The following TBXAS1 variants were observed in gnomAD, a reference collection of about 807,000 sequenced individuals.
TBXAS1 encodes the protein thromboxane-A synthase.
Under a neutral mutation model 60.7 loss-of-function variants are expected in TBXAS1, and 48 were observed. That is an observed-to-expected ratio of 0.79 (90% CI 0.63 to 1.01). TBXAS1 has a LOEUF of 1.01. Among genes scored for constraint, TBXAS1 ranks in the 50% least tolerant of loss-of-function variants. The pLI is 0.00. For synonymous variants in TBXAS1, 287 were observed against 269.7 expected (o/e 1.06, Z -0.63); for missense variants, 685 against 686.3 (o/e 1.00, Z 0.02).
At chr7:139,861,929 A>G (rs1455547843) in intron 1 of TBXAS1, among the ~76,000 whole-genome samples, 1 of 152,072 alleles carries the variant, frequency 6.6e-6, no homozygotes, top group African/African-American at 2.4e-5. Flanking sequence ...ACGTTGCCCA[A>G]AGTAAATGAG....
chr7:139,985,480 G>A (rs577162915), intron 9 of TBXAS1, among the ~76,000 whole-genome samples: 3 of 152,204 alleles, frequency 2.0e-5, no homozygotes, highest in East Asian at 1.9e-4. Flanking sequence ...ACCCATTATC[G>A]GGTTGTCATC....
chr7:139,984,946 A>G (rs201074507), intron 9 of TBXAS1, among the ~76,000 whole-genome samples: 5 of 141,774 alleles, frequency 3.5e-5, no homozygotes, highest in Non-Finnish European at 7.6e-5. Context: ...GAAAGAAAAG[A>G]AAAGAAAGAA....
chr7:139,784,317 C>G (rs1270490718), intron 3 of TBXAS1, among the ~76,000 whole-genome samples: 2 of 151,722 alleles, frequency 1.3e-5, no homozygotes, highest in Non-Finnish European at 2.9e-5. Flanking sequence ...TGTTCAGCTA[C>G]AGCTTACTAT....
chr7:139,979,462 C>A (rs1416433585), intron 9 of TBXAS1, among the ~76,000 whole-genome samples: 1 of 152,048 alleles, frequency 6.6e-6, no homozygotes, highest in Non-Finnish European at 1.5e-5. Context: ...CTCGATGGCT[C>A]ACACCTGTAA....
intron 3 of TBXAS1, among the ~76,000 whole-genome samples, chr7:139,783,090 G>C (rs1161723418): frequency 6.6e-6 from 1 of 152,190 alleles, no homozygotes; most frequent in Admixed American, 6.5e-5. Flanking sequence ...GAATTTAAAA[G>C]AGTAGACATT....
At chr7:139,841,925 G>A (rs1302843630) in intron 1 of TBXAS1, among the ~76,000 whole-genome samples, 12 of 152,080 alleles carry the variant, frequency 7.9e-5, no homozygotes, top group African/African-American at 1.7e-4. Context: ...AGCCCTCAAC[G>A]CAACACATCT....
At chr7:139,953,236 G>C in intron 5 of TBXAS1, 132 bp from the exon 6 acceptor site, 1 of 769,028 alleles carries the variant, frequency 1.3e-6, no homozygotes, top group Non-Finnish European at 2.3e-6. Flanking sequence ...TTGAATCTTA[G>C]CTGTGTGAAA....
At chr7:139,956,524 A>T (rs559073960) in intron 7 of TBXAS1, among the ~76,000 whole-genome samples, 1 of 152,306 alleles carries the variant, frequency 6.6e-6, no homozygotes, top group African/African-American at 2.4e-5. Flanking sequence ...AGGAGCATTG[A>T]CGTGTTGTTA....
chr7:139,947,135 A>T (rs1341222714), intron 5 of TBXAS1, among the ~76,000 whole-genome samples: 1 of 152,112 alleles, frequency 6.6e-6, no homozygotes, highest in East Asian at 1.9e-4. Context: ...TCACAGACAC[A>T]GTTGGTAGAA....
chr7:139,934,809 T>A (rs1807613489), intron 4 of TBXAS1, among the ~76,000 whole-genome samples: 1 of 152,142 alleles, frequency 6.6e-6, no homozygotes, highest in Admixed American at 6.5e-5. Context: ...GACCTTATTT[T>A]ACCTTAATTA....
At chr7:139,956,574 G>C (rs1035676960) in intron 7 of TBXAS1, among the ~76,000 whole-genome samples, 1 of 152,238 alleles carries the variant, frequency 6.6e-6, no homozygotes, top group African/African-American at 2.4e-5. Flanking sequence ...TAACCATTCT[G>C]CTGGGCTGGT....
rs1480941558 is a variant in TBXAS1 at position 139,778,466 on chromosome 7, G to C, written c.-323G>C. On this transcript the variant is annotated 5_prime_UTR_variant, in exon 1 of 17. Transcript: ENST00000336425. The surrounding 1 kb of genome is among the most constrained non-coding windows in gnomAD (Gnocchi z 4.8). Reference sequence around the variant, plus strand: ...CCCATCTCACAGCCGGTTGGCGCTCGCGGAGGTAGGAGTGGAATGAATGAA... The same window carrying C: ...CCCATCTCACAGCCGGTTGGCGCTCCCGGAGGTAGGAGTGGAATGAATGAA... 1.3e-5 allele frequency: 2 copies of C among 152,718 alleles called. No homozygotes were observed. Among genetic ancestry groups the C allele is most frequent in the African/African-American group, 4.8e-5 (2 of 41,436 alleles). The allele number at this position is 152,718 out of a possible 1,614,324, so 9.5% of individuals were successfully genotyped here.
intron 9 of TBXAS1, among the ~76,000 whole-genome samples, chr7:139,978,996 G>A (rs1403784293): frequency 6.6e-6 from 1 of 152,162 alleles, no homozygotes; most frequent in Admixed American, 6.5e-5. Flanking sequence ...GAAATTCAGA[G>A]AGTAAGTGAC....
chr7:139,908,462 A>G (rs1189464408), intron 3 of TBXAS1, among the ~76,000 whole-genome samples: 1 of 151,972 alleles, frequency 6.6e-6, no homozygotes, highest in Non-Finnish European at 1.5e-5. Flanking sequence ...ATTTTTCAGA[A>G]TTCCATTTTG....
intron 3 of TBXAS1, among the ~76,000 whole-genome samples, chr7:139,890,050 G>A (rs1334112363): frequency 9.9e-5 from 15 of 152,056 alleles, no homozygotes; most frequent in Non-Finnish European, 1.6e-4. Context: ...GGTGTTTCCC[G>A]CAGTGTGTCC....
chr7:139,929,153 G>A (rs1052617339), intron 4 of TBXAS1, among the ~76,000 whole-genome samples: 23 of 152,204 alleles, frequency 1.5e-4, no homozygotes, highest in East Asian at 1.3e-3. Context: ...AAGTTTTGGT[G>A]CCGCAAAAGA....
At chr7:139,953,518 C>CAG in intron 6 of TBXAS1, 62 bp downstream of exon 6, 1 of 1,493,974 alleles carries the variant, frequency 6.7e-7, no homozygotes, top group Non-Finnish European at 9.3e-7. Flanking sequence ...TTGTAACTGT[C>CAG]CATAATTGCT....
At position 139,953,297 on chromosome 7, in the gene TBXAS1, C is replaced by G. The variant is rs564400151; in HGVS notation, c.451-71C>G. ...TCCCAGAAAGCACTACATATAACCT[C>G]TTCATCTGCAGCCAATTTAGGTGTA... On this transcript the variant is annotated intron_variant, in intron 5 of 12. Transcript: ENST00000448866. The G allele has an allele frequency of 2.9e-5, 38 of 1,294,328 alleles. No individual in the cohort carries two copies. The East Asian group carries it at 8.5e-4, about 29-fold the overall frequency. The allele number at this position is 1,294,328 out of a possible 1,614,324, so 80.2% of individuals were successfully genotyped here.
intron 5 of TBXAS1, among the ~76,000 whole-genome samples, chr7:139,939,370 C>CAAAAAA (rs61551753): frequency 4.5e-4 from 22 of 48,842 alleles, no homozygotes; most frequent in Admixed American, 1.1e-3. Flanking sequence ...GACTCCATCT[C>CAAAAAA]AAAAAAAAAA....
Sources: allele counts gnomAD v4.1 joint callset (sites outside exome capture counted in the v4.1 genomes callset), GRCh38; gene constraint gnomAD v4.1.1; non-coding constraint Gnocchi (gnomAD v3.1); transcripts MANE v1.5; gene names NCBI Gene and HGNC (gene_info 2026-07-23, HGNC 2026-07-21).